The following PALM variants were observed in gnomAD, a reference collection of about 807,000 sequenced individuals.
PALM encodes paralemmin.
Under a neutral mutation model 30.7 loss-of-function variants are expected in PALM, and 18 were observed. The observed-to-expected ratio is 0.59, with a 90% CI of 0.41 to 0.87. PALM has a LOEUF of 0.87. Ranked by LOEUF, PALM falls within the 40% of genes least tolerant of loss-of-function variation. The probability of loss-of-function intolerance (pLI) is 0.00; values close to 1 mark genes in which losing one functional copy is unlikely to be tolerated. For missense variants in PALM, 529 were observed against 555.4 expected, an observed-to-expected ratio of 0.95 and a Z score of 0.48; for synonymous variants, 286 against 242.8, an observed-to-expected ratio of 1.18 and a Z score of -1.66.
rs566596921 is a variant in PALM at position 730,423 on chromosome 19, G to A, written c.270-672G>A. 3.3e-5 allele frequency among the ~76,000 whole-genome samples: 5 copies of A among 152,328 alleles called. No homozygotes were observed. In the South Asian group the frequency reaches 8.3e-4, roughly 25 times the overall value. ...TTGTTTTCCTGGATCTGCTTGTCCC[G>A]TTATCTCTTCTAATACTTGGAAAGT... is the stretch of plus-strand genomic sequence containing the variant. On this transcript the variant is annotated intron_variant, in intron 4 of 8. Coordinates refer to ENST00000338448, the MANE Select transcript of PALM (RefSeq NM_002579.3).
chr19:746,853 G>T lies in PALM; in HGVS notation c.*39G>T. 2 of 1,242,088 alleles carry T rather than the reference G, an allele frequency of 1.6e-6. No homozygotes were observed. The highest frequency in any genetic ancestry group is 2.2e-6 in the Non-Finnish European group (2 of 921,484). The allele number at this position is 1,242,088 out of a possible 1,614,324, so 76.9% of individuals were successfully genotyped here. ...ACCCCGGCCCCCACCCCACACCACAGACACCCACCAGCCCGGCCCCTCCCG... is the reference window on the plus strand; with the variant it reads ...ACCCCGGCCCCCACCCCACACCACATACACCCACCAGCCCGGCCCCTCCCG... On this transcript the variant is annotated 3_prime_UTR_variant, in exon 9 of 9. Transcript: ENST00000338448. The surrounding 1 kb of genome is among the most constrained non-coding windows in gnomAD (Gnocchi z 7.1).
rs540610873 is a variant in PALM at position 711,383 on chromosome 19, A to C, written c.5+2232A>C. On this transcript the variant is annotated intron_variant, in intron 1 of 8. Transcript: ENST00000338448. Reference sequence around the variant, plus strand: ...TGTCCTGGGTACAGGCAAGGCTCAAACCCCCGGGATAGGGAGGAGAACAGA... The same window carrying C: ...TGTCCTGGGTACAGGCAAGGCTCAACCCCCCGGGATAGGGAGGAGAACAGA... Among the ~76,000 whole-genome samples, 5 of 152,124 alleles carry C rather than the reference A, an allele frequency of 3.3e-5. No individual in the cohort carries two copies. The South Asian group carries it at 8.3e-4, about 25-fold the overall frequency.
In PALM at chr19:746,577, G is replaced by A. The variant is rs751760424; in HGVS notation, c.927G>A (p.Glu309=). ...TMIFMGYQNV[E]DEAETKKVLG... is the part of the protein sequence containing the mutation. Reference sequence around the variant, plus strand: ...TCTTCATGGGTTACCAGAACGTGGAGGATGAGGCCGAGACCAAGAAGGTGC... The same window carrying A: ...TCTTCATGGGTTACCAGAACGTGGAAGATGAGGCCGAGACCAAGAAGGTGC... Residue 309 remains glutamate, a synonymous_variant, in exon 9 of 9, where the codon GAG becomes GAA. Transcript: ENST00000338448. The surrounding 1 kb of genome is among the most constrained non-coding windows in gnomAD (Gnocchi z 7.1). The A allele has an allele frequency of 1.2e-6, 2 of 1,613,464 alleles. No individual in the cohort carries two copies. Among genetic ancestry groups the A allele is most frequent in the Admixed American group, 3.3e-5 (2 of 60,010 alleles).
chr19:734,560 C>T (rs868329931), intron 6 of PALM: 11 of 258,506 alleles, frequency 4.3e-5, no homozygotes, highest in East Asian at 1.2e-4. Context: ...AAAAATTAGC[C>T]GCCGGCCAGG....
intron 6 of PALM, 71 bp from the exon 7 acceptor site, chr19:735,948 G>A: frequency 7.6e-7 from 1 of 1,316,980 alleles, no homozygotes; most frequent in Non-Finnish European, 1.1e-6. Context: ...AGGGGCGTTG[G>A]GCTGTCTGGG....
intron 3 of PALM, 60 bp from the exon 4 acceptor site, chr19:727,504 T>G: frequency 7.2e-7 from 1 of 1,393,904 alleles, no homozygotes; most frequent in Non-Finnish European, 1.0e-6. Flanking sequence ...ACCTCAGTCT[T>G]AAGTCTTAAC....
rs781322780 is a variant in PALM at position 736,012 on chromosome 19, C to T, written c.443-7C>T. On this transcript the variant is annotated splice_polypyrimidine_tract_variant and splice_region_variant and intron_variant, in intron 6 of 8. Coordinates refer to ENST00000338448, the MANE Select transcript of PALM (RefSeq NM_002579.3). ...CATCTCTCTCTCCGCTTCCACCTCCCGTGCAGACAAGCGAGTCTCCAACAC... is the reference window on the plus strand; with the variant it reads ...CATCTCTCTCTCCGCTTCCACCTCCTGTGCAGACAAGCGAGTCTCCAACAC... 7 of 1,607,678 alleles carry T rather than the reference C, an allele frequency of 4.4e-6. No homozygotes were observed. Among genetic ancestry groups the T allele is most frequent in the East Asian group, 4.5e-5 (2 of 44,368 alleles).
At chr19:721,804 G>A (rs981903871) in intron 1 of PALM, among the ~76,000 whole-genome samples, 7 of 151,976 alleles carry the variant, frequency 4.6e-5, no homozygotes, top group African/African-American at 1.7e-4. Context: ...CTCCATGTTA[G>A]TCAGGCTGGT....
chr19:709,911 T>TGGG lies in PALM; in HGVS notation c.5+768_5+770dup, dbSNP rs565028632. On this transcript the variant is annotated intron_variant, in intron 1 of 8. Transcript: ENST00000338448. The surrounding 1 kb of genome is among the most constrained non-coding windows in gnomAD (Gnocchi z 4.3). ...CCCCGCATGGCTGCGCCTGTGTGTG[T>TGGG]GGGGGGGGGGTGGCCAGTGGAGGCA... is the stretch of plus-strand genomic sequence containing the variant. Among the ~76,000 whole-genome samples, 16 of 147,586 alleles carry TGGG rather than the reference T, an allele frequency of 1.1e-4. No homozygotes were observed. The highest frequency in any genetic ancestry group is 2.2e-4 in the African/African-American group (9 of 40,330).
rs149014551 is a variant in PALM, at chr19:743,786, C to T, written c.635-2499C>T. Among the ~76,000 whole-genome samples, 8 of 152,206 alleles carry T rather than the reference C, an allele frequency of 5.3e-5. No homozygotes were observed. The East Asian group carries it at 1.5e-3, about 29-fold the overall frequency. On this transcript the variant is annotated intron_variant, in intron 8 of 8. Transcript: ENST00000338448. ...GCTGAAATCCGGTCCTTGGAGAGTC[C>T]AACACACCTCAAGAAATGTCAAGTC...
rs572118677 is a variant in PALM at position 714,015 on chromosome 19, C to T, written c.5+4864C>T. On this transcript the variant is annotated intron_variant, in intron 1 of 8. Transcript: ENST00000338448. The stretch of plus-strand genomic sequence containing the variant: ...TGCCTCCTGGGTTCAAGCCATTCCC[C>T]TGTCTCAGCCTCCCGAGTAGCTGGG... Among the ~76,000 whole-genome samples, 16 of 151,862 alleles carry T rather than the reference C, an allele frequency of 1.1e-4. 1 individual carries two copies. The East Asian group carries it at 2.7e-3, about 26-fold the overall frequency.
intron 2 of PALM, 140 bp from the exon 3 acceptor site, chr19:726,868 G>T: frequency 6.4e-6 from 4 of 623,410 alleles, no homozygotes; most frequent in East Asian, 5.5e-5. Flanking sequence ...GGTGCGATCC[G>T]CTGTCACCTG....
At position 709,725 on chromosome 19, in the gene PALM, C is replaced by T. The variant is rs2032008813; in HGVS notation, c.5+574C>T. ...TTACCGCTGGAGGGAGAGGGGCTGC[C>T]CTCGGCTTCCCGGGTCTCTGGGGTG... is the stretch of plus-strand genomic sequence containing the variant. On this transcript the variant is annotated intron_variant, in intron 1 of 8. Transcript: ENST00000338448. The surrounding 1 kb of genome is among the most constrained non-coding windows in gnomAD (Gnocchi z 4.3). Among the ~76,000 whole-genome samples the T allele has an allele frequency of 6.6e-6, 1 of 152,308 alleles. No homozygotes were observed. Among genetic ancestry groups the T allele is most frequent in the East Asian group, 1.9e-4 (1 of 5,172 alleles).
chr19:733,680 T>G (rs554056904), intron 5 of PALM, among the ~76,000 whole-genome samples: 2 of 152,032 alleles, frequency 1.3e-5, no homozygotes, highest in East Asian at 3.9e-4. Flanking sequence ...CGGGGGTATG[T>G]GGGGAGGGAG....
chr19:740,538 G>A (rs866074777), intron 8 of PALM, 55 bp downstream of exon 8: 7 of 1,491,508 alleles, frequency 4.7e-6, no homozygotes, highest in East Asian at 2.5e-5. Context: ...CCCCGAACAC[G>A]TGTGCTCCCA....
At chr19:735,425 G>A (rs1257917883) in intron 6 of PALM, among the ~76,000 whole-genome samples, 4 of 119,956 alleles carry the variant, frequency 3.3e-5, no homozygotes, top group Non-Finnish European at 5.2e-5. Context: ...CGGGTGTCTG[G>A]ATGGGATCCG....
intron 2 of PALM, among the ~76,000 whole-genome samples, chr19:726,443 C>A (rs745412697): frequency 6.6e-6 from 1 of 152,162 alleles, no homozygotes; most frequent in Admixed American, 6.5e-5. Context: ...TTCCCTGGAA[C>A]CCTGCCCTCG....
At chr19:730,951 A>G in intron 4 of PALM, 144 bp from the exon 5 acceptor site, 1 of 577,426 alleles carries the variant, frequency 1.7e-6, no homozygotes, top group South Asian at 2.4e-5. Flanking sequence ...CAGCGAGCCA[A>G]GATCACGCCA....
At chr19:727,226 G>GACCCTGACCCCA in intron 3 of PALM, 138 bp downstream of exon 3, 2 of 494,740 alleles carry the variant, frequency 4.0e-6, no homozygotes, top group East Asian at 6.3e-5. Context: ...CCCTGACCCC[G>GACCCTGACCCCA]ACCCTGACCC....
Sources: allele counts gnomAD v4.1 joint callset (sites outside exome capture counted in the v4.1 genomes callset), GRCh38; gene constraint gnomAD v4.1.1; non-coding constraint Gnocchi (gnomAD v3.1); transcripts MANE v1.5; gene names NCBI Gene and HGNC (gene_info 2026-07-23, HGNC 2026-07-21).